Variants in TMEM132C observed in about 807,000 individuals in gnomAD.
TMEM132C encodes the protein protein phosphatase 1, regulatory subunit 152.
In TMEM132C, 29 loss-of-function variants were observed where a neutral mutation model predicts 61.4. That is an observed-to-expected ratio of 0.47 (90% CI 0.35 to 0.64). The LOEUF (loss-of-function observed/expected upper bound fraction) is 0.64, where lower values mean the gene tolerates loss of function less well. TMEM132C is among the 30% of genes least tolerant of loss of function. The probability of loss-of-function intolerance (pLI) is 0.00; values close to 1 mark genes in which losing one functional copy is unlikely to be tolerated. For synonymous variants in TMEM132C, 656 were observed against 633.1 expected (o/e 1.04, Z -0.54); for missense variants, 1,408 against 1,476.9 (o/e 0.95, Z 0.76).
intron 1 of TMEM132C, among the ~76,000 whole-genome samples, chr12:128,400,908 T>G (rs1043239065): frequency 6.6e-6 from 1 of 152,098 alleles, no homozygotes; most frequent in African/African-American, 2.4e-5. Context: ...CGCACCTGCC[T>G]GCCCCCCAGC....
chr12:128,470,206 G>A (rs1870901018), intron 2 of TMEM132C, among the ~76,000 whole-genome samples: 1 of 152,160 alleles, frequency 6.6e-6, no homozygotes, highest in Admixed American at 6.5e-5. Context: ...GATAAGAACT[G>A]GAAGGGTCAA....
At chr12:128,604,369 GGATA>G (rs1322740744) in intron 3 of TMEM132C, among the ~76,000 whole-genome samples, 10 of 150,406 alleles carry the variant, frequency 6.6e-5, no homozygotes, top group Admixed American at 1.3e-4. Context: ...GATAATAGAG[GGATA>G]GATAGATGGC....
At chr12:128,543,870 A>G (rs1873849642) in intron 2 of TMEM132C, 87 bp from the exon 3 acceptor site, 3 of 1,468,632 alleles carry the variant, frequency 2.0e-6, no homozygotes, top group Non-Finnish European at 2.7e-6. Context: ...AACAGAAACT[A>G]AAGGTGACAA....
intron 4 of TMEM132C, among the ~76,000 whole-genome samples, chr12:128,623,189 G>T (rs1953983314): frequency 1.3e-5 from 2 of 152,124 alleles, no homozygotes; most frequent in Admixed American, 6.6e-5. Flanking sequence ...CAAAAAATTT[G>T]AGGAATCATT....
At chr12:128,473,338 G>C (rs796217318) in intron 2 of TMEM132C, among the ~76,000 whole-genome samples, 2 of 63,692 alleles carry the variant, frequency 3.1e-5, no homozygotes, top group Non-Finnish European at 6.5e-5. Flanking sequence ...CTTCAGTCCA[G>C]CCTCCTTCTT....
At chr12:128,361,034 G>A (rs555451779) in intron 1 of TMEM132C, among the ~76,000 whole-genome samples, 1 of 152,214 alleles carries the variant, frequency 6.6e-6, no homozygotes, top group South Asian at 2.1e-4. Flanking sequence ...ACACCCAGAA[G>A]TAAGACAGTG....
At chr12:128,612,409 T>A (rs150235717) in intron 3 of TMEM132C, among the ~76,000 whole-genome samples, 2 of 152,174 alleles carry the variant, frequency 1.3e-5, no homozygotes, top group African/African-American at 4.8e-5. Context: ...TATTTTTTTT[T>A]CCATTCTGAA....
At chr12:128,421,462 A>T (rs530844432) in intron 2 of TMEM132C, among the ~76,000 whole-genome samples, 1 of 152,148 alleles carries the variant, frequency 6.6e-6, no homozygotes, top group African/African-American at 2.4e-5. Flanking sequence ...TCACTGAGAA[A>T]CCCAAAGACT....
At chr12:128,421,022 A>G (rs941247161) in intron 2 of TMEM132C, among the ~76,000 whole-genome samples, 2 of 152,188 alleles carry the variant, frequency 1.3e-5, no homozygotes, top group Non-Finnish European at 1.5e-5. Flanking sequence ...CAGTAGCTTT[A>G]GAGGTACAAG....
intron 2 of TMEM132C, among the ~76,000 whole-genome samples, chr12:128,512,301 C>T (rs964421132): frequency 1.3e-5 from 2 of 152,130 alleles, no homozygotes; most frequent in Non-Finnish European, 2.9e-5. Context: ...TTTCTTTATA[C>T]AAATATAAGC....
chr12:128,539,547 G>A (rs1363843424), intron 2 of TMEM132C, among the ~76,000 whole-genome samples: 1 of 152,196 alleles, frequency 6.6e-6, no homozygotes, highest in Admixed American at 6.5e-5. Flanking sequence ...AAACCCGAGA[G>A]GCAGAGGTTG....
intron 1 of TMEM132C, among the ~76,000 whole-genome samples, chr12:128,340,916 TTC>T (rs71989914): frequency 0.24 from 30,772 of 127,888 alleles, 3,743 homozygotes; most frequent in East Asian, 0.4. Context: ...CTCTCTCTCT[TTC>T]TCTCTCTCTC....
At chr12:128,671,530 G>C (rs1954532211) in intron 5 of TMEM132C, among the ~76,000 whole-genome samples, 1 of 152,154 alleles carries the variant, frequency 6.6e-6, no homozygotes, top group African/African-American at 2.4e-5. Context: ...CTGACAGATA[G>C]CAACCAGCCT....
rs1457110074 is a variant in TMEM132C at position 128,616,068 on chromosome 12, C to CT, written c.1122-81dup. The CT allele has an allele frequency of 2.1e-6, 3 of 1,446,488 alleles. No homozygotes were observed. In the East Asian group the frequency reaches 7.5e-5, roughly 36 times the overall value. The allele number at this position is 1,446,488 out of a possible 1,614,324, so 89.6% of individuals were successfully genotyped here. Reference sequence around the variant, plus strand: ...CCATCCCTGAGATGTGTTTCTTTGTCTTTATCTTCTGCGTACTATTATGAG... The same window carrying CT: ...CCATCCCTGAGATGTGTTTCTTTGTCTTTTATCTTCTGCGTACTATTATGAG... On this transcript the variant is annotated intron_variant, in intron 3 of 8. Transcript: ENST00000435159.
intron 3 of TMEM132C, among the ~76,000 whole-genome samples, chr12:128,583,731 C>T (rs902021248): frequency 6.6e-6 from 1 of 152,208 alleles, no homozygotes; most frequent in Non-Finnish European, 1.5e-5. Context: ...GCCCAGTGGC[C>T]ACACAGCAGC....
At chr12:128,393,937 T>G (rs1874852085) in intron 1 of TMEM132C, among the ~76,000 whole-genome samples, 1 of 152,220 alleles carries the variant, frequency 6.6e-6, no homozygotes, top group African/African-American at 2.4e-5. Flanking sequence ...CATCTTTAAG[T>G]GCATGCGAGG....
chr12:128,499,275 T>G (rs1327707590), intron 2 of TMEM132C, among the ~76,000 whole-genome samples: 2 of 152,218 alleles, frequency 1.3e-5, no homozygotes, highest in Non-Finnish European at 2.9e-5. Flanking sequence ...TTTTTAATTA[T>G]TCTGGATACG....
rs1286870956 is a variant in TMEM132C, at chr12:128,556,860, G to T, written c.1121+12757G>T. On this transcript the variant is annotated intron_variant, in intron 3 of 8. Transcript: ENST00000435159. ...TGCCACTATCTGACAGCAACTGCAT[G>T]AGAGACCCAAGCCAAAGACACCCAG... Among the ~76,000 whole-genome samples the T allele has an allele frequency of 2.0e-5, 3 of 152,072 alleles. No individual in the cohort carries two copies. In the East Asian group the frequency reaches 5.8e-4, roughly 29 times the overall value.
intron 1 of TMEM132C, among the ~76,000 whole-genome samples, chr12:128,402,800 A>G (rs1015825013): frequency 1.3e-5 from 2 of 152,220 alleles, no homozygotes; most frequent in African/African-American, 4.8e-5. Context: ...TTCGCCTGGT[A>G]AATATTTCCC....
Sources: gnomAD v4.1 joint callset for allele counts (sites outside exome capture counted in the v4.1 genomes callset) on GRCh38, gnomAD v4.1.1 for gene constraint, MANE v1.5 for transcripts, NCBI Gene and HGNC (gene_info 2026-07-23, HGNC 2026-07-21) for gene names.